ZNF479: variants seen among roughly 807,000 people sequenced by gnomAD.
ZNF479 encodes the protein KRAB zinc finger protein KR19.
A neutral mutation model predicts 14.7 loss-of-function variants in ZNF479; 15 were observed. That is an observed-to-expected ratio of 1.02 (90% CI 0.68 to 1.57). ZNF479 has a LOEUF of 1.57. Ranked by LOEUF, ZNF479 falls within the 40% of genes most tolerant of loss-of-function variation. ZNF479 has a pLI of 0.00. For missense variants in ZNF479, 506 were observed against 615.1 expected (o/e 0.82, Z 1.88); for synonymous variants, 145 against 211.5 (o/e 0.69, Z 2.73).
At chr7:57,123,561 C>A (rs1786038428) in intron 3 of ZNF479, among the ~76,000 whole-genome samples, 1 of 152,094 alleles carries the variant, frequency 6.6e-6, no homozygotes, top group South Asian at 2.1e-4. Flanking sequence ...CAGCCAGGTG[C>A]AGTGGCTCAC....
At chr7:57,137,587 T>C (rs1481844224) in intron 1 of ZNF479, among the ~76,000 whole-genome samples, 1 of 152,242 alleles carries the variant, frequency 6.6e-6, no homozygotes, top group East Asian at 1.9e-4. Flanking sequence ...TTGACTCTGA[T>C]CCTGAAGCTG....
At chr7:57,129,243 G>C (rs1171582514) in intron 1 of ZNF479, among the ~76,000 whole-genome samples, 1 of 152,120 alleles carries the variant, frequency 6.6e-6, no homozygotes, top group African/African-American at 2.4e-5. Flanking sequence ...TGCAAAGGTT[G>C]AACTAAACTC....
upstream of ZNF479, among the ~76,000 whole-genome samples, chr7:57,136,632 G>C (rs1786665641): frequency 6.6e-6 from 1 of 152,206 alleles, no homozygotes; most frequent in Non-Finnish European, 1.5e-5. Flanking sequence ...ATTGGCTGCT[G>C]GAGGCTTCTT....
At chr7:57,123,195 A>G (rs1029213066) in intron 3 of ZNF479, among the ~76,000 whole-genome samples, 3 of 152,214 alleles carry the variant, frequency 2.0e-5, no homozygotes, top group Non-Finnish European at 2.9e-5. Context: ...AAGGCAAAGA[A>G]GAACCAAACA....
upstream of ZNF479, among the ~76,000 whole-genome samples, chr7:57,137,167 T>C (rs1009852073): frequency 2.0e-5 from 3 of 152,128 alleles, no homozygotes; most frequent in African/African-American, 7.2e-5. Context: ...TCAGCTTAAT[T>C]GTATTATTTT....
upstream of ZNF479, among the ~76,000 whole-genome samples, chr7:57,137,365 AT>A (rs1434143544): frequency 1.3e-5 from 2 of 152,142 alleles, no homozygotes; most frequent in Non-Finnish European, 2.9e-5. Context: ...GGGTTTCACT[AT>A]GTTGGTCAGG....
At chr7:57,128,448 T>A (rs1384500458) in intron 1 of ZNF479, among the ~76,000 whole-genome samples, 1 of 152,208 alleles carries the variant, frequency 6.6e-6, no homozygotes, top group Non-Finnish European at 1.5e-5. Flanking sequence ...TGCATGGAAC[T>A]AATAGAGCAC....
chr7:57,125,897 G>C lies in ZNF479; in HGVS notation c.262+121C>G, dbSNP rs114990236. The C allele has an allele frequency of 6.4e-4, 873 of 1,353,604 alleles. 6 individuals carry two copies. The African/African-American group carries it at 0.012, about 18-fold the overall frequency. The allele number at this position is 1,353,604 out of a possible 1,614,324, so 83.8% of individuals were successfully genotyped here. On this transcript the variant is annotated intron_variant, in intron 3 of 3. Coordinates refer to ENST00000319636, the MANE Select transcript of ZNF479 (RefSeq NM_001370129.2). ...TGAGAGCAAAAGAAAAAAATGACTT[G>C]AGCTTCTCAGAAACTCTTTTCATCA...
At chr7:57,125,852 A>T (rs547228288) in intron 3 of ZNF479, among the ~76,000 whole-genome samples, 166 bp downstream of exon 3, 68 of 152,332 alleles carry the variant, frequency 4.5e-4, no homozygotes, top group Middle Eastern at 6.8e-3. Context: ...TAACAGCATG[A>T]GGCAGGAGGT....
At chr7:57,123,092 A>G (rs1480669934) in intron 3 of ZNF479, among the ~76,000 whole-genome samples, 1 of 152,164 alleles carries the variant, frequency 6.6e-6, no homozygotes, top group South Asian at 2.1e-4. Flanking sequence ...AAAGAAAAAG[A>G]TTTTTTTGAT....
upstream of ZNF479, among the ~76,000 whole-genome samples, chr7:57,133,974 G>C (rs184682933): frequency 3.3e-5 from 5 of 152,182 alleles, no homozygotes; most frequent in Admixed American, 1.3e-4. Flanking sequence ...AGCATGTAAT[G>C]GTTAATAAAG....
In ZNF479 at chr7:57,120,892, C is replaced by T. The variant is rs782258403; in HGVS notation, c.523G>A (p.Asp175Asn). 1 of 1,613,800 alleles carries T rather than the reference C, an allele frequency of 6.2e-7. No homozygotes were observed. Among genetic ancestry groups the T allele is most frequent in the East Asian group, 2.2e-5 (1 of 44,866 alleles). ...VFGKFSNSNR[D>N]KTRYTGNKHF... ...TTATTTCCAGTATATCTTGTTTTAT[C>T]TCTATTGGAATTTGAAAATTTACCA... Residue 175 changes from aspartate to asparagine, a missense_variant, in exon 4 of 4, where the codon GAT (aspartate) becomes AAT (asparagine). This residue lies in a region of ZNF479 where 420 missense variants were observed against 474.2 expected (regional missense o/e 0.89). Coordinates refer to ENST00000319636, the MANE Select transcript of ZNF479 (RefSeq NM_001370129.2).
At chr7:57,129,916 A>G (rs1349809848) in intron 1 of ZNF479, among the ~76,000 whole-genome samples, 1 of 152,246 alleles carries the variant, frequency 6.6e-6, no homozygotes, top group Non-Finnish European at 1.5e-5. Context: ...AAATTAAGGC[A>G]GAAATAAAAT....
At chr7:57,137,996 C>T (rs915223564) in intron 1 of ZNF479, among the ~76,000 whole-genome samples, 10 of 152,158 alleles carry the variant, frequency 6.6e-5, no homozygotes, top group African/African-American at 2.2e-4. Context: ...CTACCTGGAA[C>T]GTGTTTACAG....
intron 1 of ZNF479, among the ~76,000 whole-genome samples, chr7:57,131,494 C>T (rs565175837): frequency 6.6e-6 from 1 of 150,824 alleles, no homozygotes; most frequent in East Asian, 2.0e-4. Context: ...ACCTGGGAGG[C>T]AGAGGTTGTA....
Position 57,126,547 on chromosome 7 carries a change from G to C in ZNF479, c.166+45C>G, listed in dbSNP as rs199804987. On this transcript the variant is annotated intron_variant, in intron 2 of 3. Coordinates refer to ENST00000319636, the MANE Select transcript of ZNF479 (RefSeq NM_001370129.2). ...AAATTACCAAAAACATCTTAGAAAA[G>C]AGAAAAGCAATATATTAGGAATTAT... is the stretch of plus-strand genomic sequence containing the variant. The C allele has an allele frequency of 1.7e-5, 26 of 1,564,390 alleles. No homozygotes were observed. In the African/African-American group the frequency reaches 3.2e-4, roughly 19 times the overall value.
chr7:57,120,591 C>T lies in ZNF479; in HGVS notation c.824G>A (p.Gly275Asp), dbSNP rs782471042. 5.6e-6 allele frequency: 9 copies of T among 1,613,792 alleles called. No individual in the cohort carries two copies. The African/African-American group carries it at 1.2e-4, about 22-fold the overall frequency. The change falls in exon 4 of 4, where the codon GGC becomes GAC. Residue 275 changes from glycine to aspartate, a missense_variant. By Grantham distance (94) the Gly-to-Asp change is moderately conservative (BLOSUM62 -1). Transcript: ENST00000319636. ...GEKPYTCEEC[G>D]QAFRRSSALT... ...TGCTGAGGAGCGCCTAAAGGCTTGG[C>T]CACATTCTTCACACGTGTAGGGTTT...
At chr7:57,134,172 A>T (rs1786544804), upstream of ZNF479, among the ~76,000 whole-genome samples, 1 of 152,198 alleles carries the variant, frequency 6.6e-6, no homozygotes, top group South Asian at 2.1e-4. Context: ...CATTTCCATG[A>T]GGCCTGGCTT....
chr7:57,126,524 A>G, intron 2 of ZNF479, 68 bp downstream of exon 2: 1 of 1,499,364 alleles, frequency 6.7e-7, no homozygotes, highest in Middle Eastern at 1.8e-4. Context: ...CAAAGCAGAA[A>G]TTACCAAAAA....
Sources: allele counts gnomAD v4.1 joint callset (sites outside exome capture counted in the v4.1 genomes callset), GRCh38; gene constraint gnomAD v4.1.1; regional missense constraint gnomAD v4.1.1; transcripts MANE v1.5; gene names NCBI Gene and HGNC (gene_info 2026-07-23, HGNC 2026-07-21).